The following DGKB variants were observed in gnomAD, a reference collection of about 807,000 sequenced individuals.
DGKB encodes the protein 90 kDa diacylglycerol kinase.
DGKB carries 67 observed loss-of-function variants against 114.3 expected under a neutral mutation model. The observed-to-expected ratio is 0.59, with a 90% confidence interval of 0.48 to 0.72. The LOEUF is 0.72. Ranked by LOEUF, DGKB falls within the 30% of genes least tolerant of loss-of-function variation. The pLI is 0.00. For synonymous variants in DGKB, 398 were observed against 323.1 expected (o/e 1.23, Z -2.49); for missense variants, 907 against 975.2 (o/e 0.93, Z 0.93).
At chr7:14,885,098 T>C (rs1021051080) in intron 1 of DGKB, among the ~76,000 whole-genome samples, 32 of 151,962 alleles carry the variant, frequency 2.1e-4, no homozygotes, top group African/African-American at 7.5e-4. Flanking sequence ...TGAAAGCTCC[T>C]ATTTTTAAGA....
intron 21 of DGKB, among the ~76,000 whole-genome samples, chr7:14,382,359 T>C (rs1432875498): frequency 7.0e-6 from 1 of 143,590 alleles, no homozygotes; most frequent in African/African-American, 2.5e-5. Flanking sequence ...AAGATGCCTC[T>C]CTATTCACTC....
intron 23 of DGKB, among the ~76,000 whole-genome samples, chr7:14,293,469 T>A (rs1315393303): frequency 1.3e-5 from 2 of 152,174 alleles, no homozygotes; most frequent in South Asian, 4.1e-4. Context: ...ATTCTCCATA[T>A]GTTATGCCAT....
chr7:14,370,522 G>T (rs1360905757), intron 21 of DGKB, among the ~76,000 whole-genome samples: 3 of 152,066 alleles, frequency 2.0e-5, no homozygotes, highest in Non-Finnish European at 4.4e-5. Flanking sequence ...GGGCAGTATG[G>T]CCATTTTCAT....
At chr7:14,855,360 T>C (rs1428079493) in intron 1 of DGKB, among the ~76,000 whole-genome samples, 1 of 152,190 alleles carries the variant, frequency 6.6e-6, no homozygotes, top group African/African-American at 2.4e-5. Flanking sequence ...CTTAGGTATA[T>C]AGTTTTAATC....
intron 2 of DGKB, among the ~76,000 whole-genome samples, chr7:14,818,150 T>C (rs1586707140): frequency 6.6e-6 from 1 of 152,282 alleles, no homozygotes; most frequent in East Asian, 1.9e-4. Flanking sequence ...CTTATACCTG[T>C]ATATGCTCAC....
At chr7:14,703,499 T>C (rs1338660240) in intron 6 of DGKB, among the ~76,000 whole-genome samples, 1 of 152,184 alleles carries the variant, frequency 6.6e-6, no homozygotes, top group African/African-American at 2.4e-5. Flanking sequence ...TCTAGATACC[T>C]TTTCTTTACT....
chr7:14,831,098 A>C (rs1197925942), intron 2 of DGKB, among the ~76,000 whole-genome samples: 1 of 151,936 alleles, frequency 6.6e-6, no homozygotes, highest in Non-Finnish European at 1.5e-5. Context: ...TAAATCTCCT[A>C]CTTTGAAAAA....
intron 23 of DGKB, among the ~76,000 whole-genome samples, chr7:14,263,030 T>C (rs1243551528): frequency 6.6e-6 from 1 of 152,008 alleles, no homozygotes; most frequent in East Asian, 1.9e-4. Flanking sequence ...GGCTGCACAT[T>C]CTATCTTAGA....
intron 13 of DGKB, among the ~76,000 whole-genome samples, chr7:14,643,734 C>A (rs1342152781): frequency 2.0e-5 from 3 of 152,174 alleles, no homozygotes; most frequent in African/African-American, 7.2e-5. Context: ...ACCTCTCCCC[C>A]TCTAGCAGTG....
At chr7:14,594,136 C>A (rs905197937) in intron 17 of DGKB, among the ~76,000 whole-genome samples, 1 of 151,988 alleles carries the variant, frequency 6.6e-6, no homozygotes, top group Non-Finnish European at 1.5e-5. Flanking sequence ...TTTTTTAACA[C>A]TGAAGAACAC....
At chr7:14,918,792 T>C (rs1784365595) in intron 1 of DGKB, among the ~76,000 whole-genome samples, 3 of 151,994 alleles carry the variant, frequency 2.0e-5, no homozygotes, top group Non-Finnish European at 4.4e-5. Flanking sequence ...GGGCTGGGCA[T>C]GGTGGCTCAC....
chr7:14,800,538 A>G (rs1484728122), intron 2 of DGKB, among the ~76,000 whole-genome samples: 1 of 152,110 alleles, frequency 6.6e-6, no homozygotes, highest in Non-Finnish European at 1.5e-5. Context: ...AGTTCTTCAG[A>G]TTTGGCACTC....
chr7:14,845,828 TAAAAA>T (rs199838244), intron 1 of DGKB, among the ~76,000 whole-genome samples: 1 of 141,902 alleles, frequency 7.0e-6, no homozygotes, highest in African/African-American at 2.6e-5. Context: ...GAATGGGCAT[TAAAAA>T]AAAAAAAAGA....
intron 20 of DGKB, among the ~76,000 whole-genome samples, chr7:14,529,865 A>G (rs1584604522): frequency 6.6e-6 from 1 of 151,742 alleles, no homozygotes; most frequent in Non-Finnish European, 1.5e-5. Context: ...ACACTATAAT[A>G]AAGTATGAAA....
chr7:14,659,262 T>C (rs1340631825), intron 13 of DGKB, among the ~76,000 whole-genome samples: 1 of 152,084 alleles, frequency 6.6e-6, no homozygotes, highest in African/African-American at 2.4e-5. Context: ...ATCCTATCAT[T>C]TCCTGCTAAT....
Position 14,695,972 on chromosome 7 carries a change from A to T in DGKB, c.592-1778T>A, listed in dbSNP as rs1880547. The stretch of plus-strand genomic sequence containing the variant: ...TTTCAGCTCCCTGGAATAGTAGCAG[A>T]CTTATCAGTAACACACATGTCAAAT... On this transcript the variant is annotated intron_variant, in intron 8 of 25. Transcript: ENST00000402815. Among the ~76,000 whole-genome samples, 1,042 of 152,290 alleles carry T rather than the reference A, an allele frequency of 6.8e-3. 10 individuals are homozygous for T. The highest frequency in any genetic ancestry group is 0.023 in the African/African-American group (967 of 41,560).
chr7:14,907,580 TA>T (rs1320982079), upstream of DGKB, among the ~76,000 whole-genome samples: 3 of 152,178 alleles, frequency 2.0e-5, no homozygotes, highest in Non-Finnish European at 4.4e-5. Context: ...TGCACAGGGG[TA>T]ATGGTTTCCA....
rs908019529 is a variant in DGKB, at chr7:14,222,314, C to T, written c.2123-44163G>A. Among the ~76,000 whole-genome samples the T allele has an allele frequency of 5.3e-5, 8 of 151,196 alleles. No homozygotes were observed. The South Asian group carries it at 8.3e-4, about 16-fold the overall frequency. The stretch of plus-strand genomic sequence containing the variant: ...AGTGCTTCAAATTTCTCTCTAAACA[C>T]TGCATCCCCAAAATTTGGTATGTTA... On this transcript the variant is annotated intron_variant, in intron 23 of 25. Transcript: ENST00000402815.
chr7:14,432,172 A>C (rs1828546028), intron 21 of DGKB, among the ~76,000 whole-genome samples: 2 of 152,210 alleles, frequency 1.3e-5, no homozygotes, highest in African/African-American at 2.4e-5. Context: ...TTGGTTTCTC[A>C]CTGCAAAGTA....
Sources: allele counts gnomAD v4.1 joint callset (sites outside exome capture counted in the v4.1 genomes callset), GRCh38; gene constraint gnomAD v4.1.1; transcripts MANE v1.5; gene names NCBI Gene and HGNC (gene_info 2026-07-23, HGNC 2026-07-21).